The following ADAMTSL3 variants were observed in gnomAD, a reference collection of about 807,000 sequenced individuals.
The protein encoded by ADAMTSL3 is ADAMTS-like protein 3.
In ADAMTSL3, 128 loss-of-function variants were observed where a neutral mutation model predicts 201.7. The ratio of observed to expected loss-of-function variants is 0.63; its 90% CI spans 0.55 to 0.73. The LOEUF (loss-of-function observed/expected upper bound fraction) is 0.73, where lower values mean the gene tolerates loss of function less well. ADAMTSL3 is among the 30% of genes least tolerant of loss of function. The pLI is 0.00. For synonymous variants in ADAMTSL3, 738 were observed against 748.4 expected, an observed-to-expected ratio of 0.99 and a Z score of 0.23; for missense variants, 1,990 against 2,119.6, an observed-to-expected ratio of 0.94 and a Z score of 1.20.
chr15:83,922,023 G>A (rs1348397158), intron 16 of ADAMTSL3, among the ~76,000 whole-genome samples: 1 of 152,094 alleles, frequency 6.6e-6, no homozygotes. Flanking sequence ...TGATGCTGAC[G>A]TTTCAACACT....
intron 2 of ADAMTSL3, among the ~76,000 whole-genome samples, chr15:83,690,364 C>G (rs1448846151): frequency 6.6e-6 from 1 of 152,142 alleles, no homozygotes; most frequent in African/African-American, 2.4e-5. Flanking sequence ...CCCAACTTCC[C>G]CCACATTCTG....
At position 83,892,817 on chromosome 15, in the gene ADAMTSL3, C is replaced by T. The variant is rs2065537507; in HGVS notation, c.1396C>T (p.Pro466Ser). 1 of 1,613,942 alleles carries T rather than the reference C, an allele frequency of 6.2e-7. No homozygotes were observed. Among genetic ancestry groups the T allele is most frequent in the African/African-American group, 1.3e-5 (1 of 74,896 alleles). The change falls in exon 13 of 30, where the codon CCC becomes TCC. Residue 466 changes from proline to serine, a missense_variant. Transcript: ENST00000286744. ...GGAAGAATGGAAGTGCATGTACGCA[C>T]CCAAACCCAAGGTTATGCAAACTTG... ...QVEEWKCMYA[P>S]KPKVMQTCNL...
At chr15:83,703,357 G>T (rs1193609901) in intron 2 of ADAMTSL3, among the ~76,000 whole-genome samples, 1 of 152,128 alleles carries the variant, frequency 6.6e-6, no homozygotes, top group Non-Finnish European at 1.5e-5. Flanking sequence ...GATTGGTTTT[G>T]AAATGTGAGG....
At chr15:83,980,824 T>G (rs1045578121) in intron 20 of ADAMTSL3, among the ~76,000 whole-genome samples, 1 of 152,352 alleles carries the variant, frequency 6.6e-6, no homozygotes, top group Middle Eastern at 3.4e-3. Flanking sequence ...GCAGCCAGAC[T>G]TCAAAGGGCT....
intron 6 of ADAMTSL3, among the ~76,000 whole-genome samples, chr15:83,829,785 C>T (rs2064114316): frequency 6.6e-6 from 1 of 152,122 alleles, no homozygotes; most frequent in Non-Finnish European, 1.5e-5. Flanking sequence ...TCCTTATGTA[C>T]CCAGTAGTCA....
chr15:83,886,616 A>G (rs1004263887), intron 10 of ADAMTSL3, among the ~76,000 whole-genome samples: 11 of 152,140 alleles, frequency 7.2e-5, no homozygotes, highest in African/African-American at 2.7e-4. Flanking sequence ...AGGCTCAGGT[A>G]TGGTCTTGTT....
chr15:83,811,945 T>C (rs2063705394), intron 5 of ADAMTSL3, among the ~76,000 whole-genome samples: 1 of 152,182 alleles, frequency 6.6e-6, no homozygotes, highest in Non-Finnish European at 1.5e-5. Flanking sequence ...GCCCAAGCTG[T>C]GTTGCAAACC....
rs754013747 is a variant in ADAMTSL3 at position 83,983,272 on chromosome 15, G to A, written c.3644G>A (p.Cys1215Tyr). The A allele has an allele frequency of 1.9e-6, 3 of 1,608,934 alleles. No homozygotes were observed. The highest frequency in any genetic ancestry group is 2.5e-6 in the Non-Finnish European group (3 of 1,177,594). ...TKRTEVINIL[C>Y]DLITPSEATY... Reference sequence around the variant, plus strand: ...AGGACAGAGGTCATCAATATACTGTGTGACCTTATTACCCCCAGTGAGGCC... The same window carrying A: ...AGGACAGAGGTCATCAATATACTGTATGACCTTATTACCCCCAGTGAGGCC... The change falls in exon 21 of 30, where the codon TGT (cysteine) becomes TAT (tyrosine). Residue 1215 changes from cysteine to tyrosine, a missense_variant. By Grantham distance (194) the Cys-to-Tyr change is radical (BLOSUM62 -2). Coordinates refer to ENST00000286744, the MANE Select transcript of ADAMTSL3 (RefSeq NM_207517.3).
intron 19 of ADAMTSL3, 146 bp downstream of exon 19, chr15:83,943,228 T>C: frequency 3.2e-6 from 3 of 930,780 alleles, no homozygotes; most frequent in East Asian, 2.7e-5. Context: ...GCTCACTCAC[T>C]CTCGGGTTTG....
chr15:84,007,713 A>T (rs2067920038), intron 23 of ADAMTSL3, among the ~76,000 whole-genome samples: 1 of 152,230 alleles, frequency 6.6e-6, no homozygotes. Context: ...AAGCCATTAG[A>T]GGATTCTAAG....
chr15:83,671,704 C>G (rs2141391292), intron 2 of ADAMTSL3, among the ~76,000 whole-genome samples: 1 of 152,294 alleles, frequency 6.6e-6, no homozygotes, highest in East Asian at 1.9e-4. Context: ...CTAGTTCTCT[C>G]CCTCTGCTTT....
intron 4 of ADAMTSL3, among the ~76,000 whole-genome samples, chr15:83,793,274 A>T (rs765792602): frequency 6.6e-6 from 1 of 152,222 alleles, no homozygotes. Flanking sequence ...ATTGTGCAAC[A>T]GTGTCATTGT....
At chr15:83,909,491 T>C (rs1341953125) in intron 15 of ADAMTSL3, among the ~76,000 whole-genome samples, 5 of 152,228 alleles carry the variant, frequency 3.3e-5, no homozygotes, top group Non-Finnish European at 7.3e-5. Flanking sequence ...TCTTCAATAT[T>C]GGATTACCTA....
At chr15:83,677,648 C>T (rs535272294) in intron 2 of ADAMTSL3, among the ~76,000 whole-genome samples, 6 of 152,016 alleles carry the variant, frequency 3.9e-5, no homozygotes, top group South Asian at 2.1e-4. Context: ...AACCTGCCTA[C>T]ATTATCATAT....
At chr15:83,656,731 A>G (rs1343089959) in intron 2 of ADAMTSL3, among the ~76,000 whole-genome samples, 1 of 152,208 alleles carries the variant, frequency 6.6e-6, no homozygotes, top group Admixed American at 6.5e-5. Context: ...CTCCCTGCAG[A>G]CATAGCTTCT....
At chr15:83,782,980 T>C (rs1158076301) in intron 4 of ADAMTSL3, among the ~76,000 whole-genome samples, 1 of 147,594 alleles carries the variant, frequency 6.8e-6, no homozygotes, top group Admixed American at 6.8e-5. Context: ...ATTATATATA[T>C]ACATATTATA....
rs770675324 is a variant in ADAMTSL3, at chr15:84,025,455, GT to G, written c.4656+22del. 2.5e-6 allele frequency: 4 copies of G among 1,609,940 alleles called. No homozygotes were observed. In the South Asian group the frequency reaches 4.4e-5, roughly 18 times the overall value. On this transcript the variant is annotated intron_variant, in intron 27 of 29. Coordinates refer to ENST00000286744, the MANE Select transcript of ADAMTSL3 (RefSeq NM_207517.3). ...GAACCGGGTAAAGCTAACACATCTA[GT>G]TTGTGGACAGCACTATCTGTCCACA...
intron 5 of ADAMTSL3, among the ~76,000 whole-genome samples, chr15:83,817,086 G>A (rs1485590418): frequency 6.6e-6 from 1 of 152,122 alleles, no homozygotes; most frequent in Non-Finnish European, 1.5e-5. Context: ...ACAAAAATGT[G>A]GATGCAATAT....
chr15:83,993,798 G>A (rs1261515388), intron 23 of ADAMTSL3, among the ~76,000 whole-genome samples: 2 of 152,148 alleles, frequency 1.3e-5, no homozygotes, highest in African/African-American at 4.8e-5. Flanking sequence ...GTAATTTAAA[G>A]CGCACCTTTT....
Sources: gnomAD v4.1 joint callset for allele counts (sites outside exome capture counted in the v4.1 genomes callset) on GRCh38, gnomAD v4.1.1 for gene constraint, MANE v1.5 for transcripts, NCBI Gene and HGNC (gene_info 2026-07-23, HGNC 2026-07-21) for gene names.